NTRK2: variants seen among roughly 807,000 people sequenced by gnomAD.
NTRK2 encodes the protein neurotrophic receptor tyrosine kinase 2, also known as BDNF/NT-3 growth factors receptor.
In NTRK2, 13 loss-of-function variants were observed where a neutral mutation model predicts 94.5. The ratio of observed to expected loss-of-function variants is 0.14; its 90% CI spans 0.09 to 0.22. The LOEUF (loss-of-function observed/expected upper bound fraction) is 0.22. Among genes scored for constraint, NTRK2 ranks in the 10% least tolerant of loss-of-function variants. The pLI is 1.00. For missense variants in NTRK2, 639 were observed against 1,071.2 expected (o/e 0.60, Z 5.63); for synonymous variants, 372 against 407.4 (o/e 0.91, Z 1.05).
intron 12 of NTRK2, among the ~76,000 whole-genome samples, chr9:84,824,064 T>A (rs192060380): frequency 1.3e-5 from 2 of 152,346 alleles, no homozygotes; most frequent in Admixed American, 1.3e-4. Context: ...TTCAGCCATT[T>A]AGTTTCAGTG....
At chr9:84,972,872 AT>A (rs1826350648) in intron 17 of NTRK2, among the ~76,000 whole-genome samples, 1 of 152,208 alleles carries the variant, frequency 6.6e-6, no homozygotes, top group Non-Finnish European at 1.5e-5. Context: ...AAAAACCCAT[AT>A]GAGCAGATCT....
At chr9:84,997,975 C>T (rs879305450) in intron 17 of NTRK2, among the ~76,000 whole-genome samples, 5 of 152,190 alleles carry the variant, frequency 3.3e-5, no homozygotes, top group African/African-American at 1.2e-4. Context: ...TCTGTGGGGT[C>T]CCATCTGACT....
intron 12 of NTRK2, among the ~76,000 whole-genome samples, chr9:84,770,341 A>T (rs7026180): frequency 1.4e-4 from 22 of 152,100 alleles, no homozygotes; most frequent in African/African-American, 3.6e-4. Context: ...ATAATTTACA[A>T]GTTCTCTGCA....
chr9:84,856,625 C>T (rs1472137935), intron 12 of NTRK2, among the ~76,000 whole-genome samples: 1 of 152,088 alleles, frequency 6.6e-6, no homozygotes, highest in Non-Finnish European at 1.5e-5. Context: ...CCCGGGGACT[C>T]CTCTTTCAAA....
intron 14 of NTRK2, chr9:84,876,652 C>G: frequency 4.7e-6 from 5 of 1,059,264 alleles, no homozygotes; most frequent in Non-Finnish European, 5.7e-6. Flanking sequence ...TTTCCATCCT[C>G]CCATTTTTTT....
At chr9:84,924,023 G>A (rs1194045491) in intron 14 of NTRK2, among the ~76,000 whole-genome samples, 7 of 152,048 alleles carry the variant, frequency 4.6e-5, no homozygotes, top group African/African-American at 1.2e-4. Flanking sequence ...AGGATACCAG[G>A]GATAAAACAG....
intron 17 of NTRK2, among the ~76,000 whole-genome samples, chr9:84,991,256 C>T (rs1188148705): frequency 6.6e-6 from 1 of 152,238 alleles, no homozygotes; most frequent in Non-Finnish European, 1.5e-5. Context: ...CATTCAATCT[C>T]TAATACATTT....
intron 12 of NTRK2, among the ~76,000 whole-genome samples, chr9:84,777,072 T>C (rs1343635889): frequency 6.6e-6 from 1 of 152,220 alleles, no homozygotes; most frequent in Non-Finnish European, 1.5e-5. Flanking sequence ...ACCTAGATTG[T>C]ACTCATGGTT....
intron 2 of NTRK2, among the ~76,000 whole-genome samples, chr9:84,684,250 T>C (rs1474851918): frequency 6.6e-6 from 1 of 152,202 alleles, no homozygotes; most frequent in Non-Finnish European, 1.5e-5. Flanking sequence ...TTTGATGTCT[T>C]AGTCATGGAT....
At chr9:84,924,672 TG>T (rs1564469321) in intron 14 of NTRK2, among the ~76,000 whole-genome samples, 1 of 152,268 alleles carries the variant, frequency 6.6e-6, no homozygotes, top group Non-Finnish European at 1.5e-5. Flanking sequence ...GAAAGATTTC[TG>T]GGGCTTTCCC....
intron 11 of NTRK2, among the ~76,000 whole-genome samples, chr9:84,746,859 C>T (rs1349848647): frequency 6.6e-6 from 1 of 152,060 alleles, no homozygotes; most frequent in Non-Finnish European, 1.5e-5. Flanking sequence ...TGGAATGACC[C>T]CATTTATTTG....
At chr9:84,968,497 C>T (rs184156953) in intron 17 of NTRK2, among the ~76,000 whole-genome samples, 166 of 152,284 alleles carry the variant, frequency 1.1e-3, no homozygotes, top group Non-Finnish European at 2.1e-3. Context: ...GTCAGTCTGT[C>T]CCTTTATTTT....
At chr9:84,808,729 A>T (rs1235356887) in intron 12 of NTRK2, among the ~76,000 whole-genome samples, 1 of 152,202 alleles carries the variant, frequency 6.6e-6, no homozygotes, top group Non-Finnish European at 1.5e-5. Context: ...GTGGGTGATT[A>T]AATCCATAAA....
chr9:84,854,047 G>A (rs2074927409), intron 12 of NTRK2, among the ~76,000 whole-genome samples: 1 of 150,466 alleles, frequency 6.6e-6, no homozygotes. Context: ...ACTCCAGCCT[G>A]GGCAACAGAG....
intron 14 of NTRK2, among the ~76,000 whole-genome samples, chr9:84,870,353 ATATATATATAT>A (rs2075812517): frequency 8.0e-6 from 1 of 125,756 alleles, no homozygotes; most frequent in East Asian, 2.4e-4. Flanking sequence ...ATATATATAT[ATATATATATAT>A]AAAACTCTGT....
intron 17 of NTRK2, among the ~76,000 whole-genome samples, chr9:85,004,100 G>GAGGAAGGGAGGAAGGGAGTGAGGA (rs1262138151): frequency 1.4e-5 from 2 of 146,936 alleles, no homozygotes; most frequent in Admixed American, 6.8e-5. Flanking sequence ...GAAAGGAAGG[G>GAGGAAGGGAGGAAGGGAGTGAGGA]AGGAAGGGAG....
chr9:84,899,877 G>T (rs771057661), intron 14 of NTRK2, among the ~76,000 whole-genome samples: 2 of 152,182 alleles, frequency 1.3e-5, no homozygotes, highest in Non-Finnish European at 2.9e-5. Context: ...TCCCTATGGG[G>T]TGGACACCAA....
intron 12 of NTRK2, among the ~76,000 whole-genome samples, chr9:84,847,532 C>T (rs1273210500): frequency 6.6e-6 from 1 of 152,184 alleles, no homozygotes; most frequent in African/African-American, 2.4e-5. Flanking sequence ...CTTATGGTTG[C>T]AGGACAGATG....
intron 17 of NTRK2, among the ~76,000 whole-genome samples, chr9:84,971,985 A>G (rs1436115685): frequency 3.9e-5 from 6 of 152,216 alleles, no homozygotes; most frequent in Non-Finnish European, 7.3e-5. Flanking sequence ...AAGGAGACCA[A>G]GGATTCAGCT....
Sources: gnomAD v4.1 joint callset for allele counts (sites outside exome capture counted in the v4.1 genomes callset) on GRCh38, gnomAD v4.1.1 for gene constraint, MANE v1.5 for transcripts, NCBI Gene and HGNC (gene_info 2026-07-23, HGNC 2026-07-21) for gene names.